The following PRKAR2A variants were observed in gnomAD, a reference collection of about 807,000 sequenced individuals.
PRKAR2A encodes protein kinase cAMP-dependent type II regulatory subunit alpha.
Under a neutral mutation model 51.9 loss-of-function variants are expected in PRKAR2A, and 29 were observed. The ratio of observed to expected loss-of-function variants is 0.56; its 90% confidence interval spans 0.42 to 0.76. PRKAR2A has a LOEUF of 0.76. PRKAR2A is among the 30% of genes least tolerant of loss of function. PRKAR2A has a pLI of 0.00. For missense variants in PRKAR2A, 445 were observed against 512.1 expected (o/e 0.87, Z 1.26); for synonymous variants, 178 against 186.2 (o/e 0.96, Z 0.36).
intron 1 of PRKAR2A, among the ~76,000 whole-genome samples, chr3:48,811,973 G>A (rs1173555682): frequency 6.6e-6 from 1 of 152,050 alleles, no homozygotes; most frequent in Non-Finnish European, 1.5e-5. Context: ...GGGGAATGGG[G>A]AGTGACTGCA....
chr3:48,771,710 T>C (rs1236825575), intron 6 of PRKAR2A, among the ~76,000 whole-genome samples: 1 of 152,158 alleles, frequency 6.6e-6, no homozygotes, highest in Non-Finnish European at 1.5e-5. Context: ...TGAGCCACTG[T>C]GGTTGGCCTG....
At chr3:48,809,129 A>G (rs2082729467) in intron 1 of PRKAR2A, among the ~76,000 whole-genome samples, 1 of 152,242 alleles carries the variant, frequency 6.6e-6, no homozygotes, top group Non-Finnish European at 1.5e-5. Context: ...AGCAGCGGAC[A>G]TAGCACTTCT....
chr3:48,803,336 A>C (rs1183250957), intron 2 of PRKAR2A, among the ~76,000 whole-genome samples: 1 of 152,258 alleles, frequency 6.6e-6, no homozygotes, highest in Admixed American at 6.5e-5. Flanking sequence ...CCTAAGCCCA[A>C]GATTTCAAGG....
intron 4 of PRKAR2A, among the ~76,000 whole-genome samples, chr3:48,783,504 G>A (rs1477664746): frequency 2.6e-5 from 4 of 152,184 alleles, no homozygotes; most frequent in Non-Finnish European, 4.4e-5. Context: ...TATGGCCTTA[G>A]AGGTTATCTT....
At chr3:48,762,428 A>G (rs906908016) in intron 8 of PRKAR2A, among the ~76,000 whole-genome samples, 2 of 152,362 alleles carry the variant, frequency 1.3e-5, no homozygotes, top group African/African-American at 4.8e-5. Flanking sequence ...TAAGGAGGCC[A>G]GCCTGGCCAA....
chr3:48,802,176 G>A (rs1485047873), intron 2 of PRKAR2A, among the ~76,000 whole-genome samples: 1 of 152,004 alleles, frequency 6.6e-6, no homozygotes, highest in Admixed American at 6.6e-5. Flanking sequence ...CCAAAGTGTT[G>A]GGATTACAAG....
intron 4 of PRKAR2A, among the ~76,000 whole-genome samples, chr3:48,790,106 G>A (rs1487767433): frequency 6.6e-6 from 1 of 152,018 alleles, no homozygotes; most frequent in Non-Finnish European, 1.5e-5. Flanking sequence ...ACTGCTATAT[G>A]GTGACTAAGT....
chr3:48,782,747 C>T (rs987691188), intron 5 of PRKAR2A, among the ~76,000 whole-genome samples: 8 of 152,156 alleles, frequency 5.3e-5, no homozygotes, highest in South Asian at 2.1e-4. Context: ...TGAGCCACTG[C>T]GCCTGGCCTA....
chr3:48,786,424 T>C (rs2082294161), intron 4 of PRKAR2A, among the ~76,000 whole-genome samples: 1 of 149,106 alleles, frequency 6.7e-6, no homozygotes, highest in Admixed American at 6.7e-5. Context: ...CGCGCCCGGC[T>C]GATCTGGCAG....
rs1272463823 is a variant in PRKAR2A, at chr3:48,781,521, A to AT, written c.542+1464dup. Among the ~76,000 whole-genome samples the AT allele has an allele frequency of 3.9e-4, 55 of 140,434 alleles. 1 individual carries two copies. The East Asian group carries it at 9.2e-3, about 23-fold the overall frequency. The allele number at this position is 140,434 out of a possible 152,430, so 92.1% of individuals were successfully genotyped here. A position where few individuals can be genotyped will look rare whatever the true frequency, so the allele number is the denominator to read the frequency against. ...CACGCCCGGTTACTTTTTTATTTTT[A>AT]TTTTTTTTTGAGACAAAGTCTCACA... is the stretch of plus-strand genomic sequence containing the variant. On this transcript the variant is annotated intron_variant, in intron 5 of 10. Transcript: ENST00000265563.
At chr3:48,797,487 C>A (rs2082515161) in intron 2 of PRKAR2A, among the ~76,000 whole-genome samples, 1 of 152,106 alleles carries the variant, frequency 6.6e-6, no homozygotes, top group Non-Finnish European at 1.5e-5. Context: ...TAGGTACACC[C>A]CAGCTTCCCT....
chr3:48,783,708 G>A (rs923250375), intron 4 of PRKAR2A, among the ~76,000 whole-genome samples: 4 of 152,122 alleles, frequency 2.6e-5, no homozygotes, highest in African/African-American at 9.7e-5. Flanking sequence ...GGCCTCCTGA[G>A]TAGCTGGGAC....
intron 1 of PRKAR2A, among the ~76,000 whole-genome samples, chr3:48,840,430 G>T (rs1247372135): frequency 2.6e-5 from 4 of 151,938 alleles, no homozygotes. Flanking sequence ...AGGAGGTGGA[G>T]GTTGCAGTGA....
At chr3:48,834,702 C>T (rs1575951772) in intron 1 of PRKAR2A, among the ~76,000 whole-genome samples, 4 of 128,952 alleles carry the variant, frequency 3.1e-5, no homozygotes, top group Middle Eastern at 4.6e-3. Context: ...CTAGCCTGGG[C>T]AACAGAGTGA....
rs954225209 is a variant in PRKAR2A at position 48,748,938 on chromosome 3, C to T, written c.*2647G>A. 9.9e-5 allele frequency: 15 copies of T among 152,200 alleles called. No homozygotes were observed. The highest frequency in any genetic ancestry group is 1.6e-4 in the Non-Finnish European group (11 of 68,046). The allele number at this position is 152,200 out of a possible 1,614,324, so 9.4% of individuals were successfully genotyped here. ...AGTCTGAAAAGAGTCCTTCTGCTTT[C>T]GCTTCCTGGAGCTTAAGAAGAAAAG... On this transcript the variant is annotated 3_prime_UTR_variant, in exon 11 of 11. Transcript: ENST00000265563.
chr3:48,842,341 C>A (rs911745691), intron 1 of PRKAR2A, among the ~76,000 whole-genome samples: 2 of 152,276 alleles, frequency 1.3e-5, no homozygotes, highest in Non-Finnish European at 1.5e-5. Flanking sequence ...TCTAGATATA[C>A]AATCATGTCA....
chr3:48,807,123 T>C (rs540407870), intron 2 of PRKAR2A, among the ~76,000 whole-genome samples: 33 of 152,196 alleles, frequency 2.2e-4, no homozygotes, highest in Admixed American at 2.0e-3. Flanking sequence ...TGATGTGAAG[T>C]ACTATTTTAC....
At chr3:48,784,899 A>G (rs921901543) in intron 4 of PRKAR2A, among the ~76,000 whole-genome samples, 2 of 152,186 alleles carry the variant, frequency 1.3e-5, no homozygotes, top group African/African-American at 4.8e-5. Context: ...AGTACTTACT[A>G]TATGTGATTC....
chr3:48,768,207 T>C (rs2081968957), intron 6 of PRKAR2A, among the ~76,000 whole-genome samples: 2 of 151,624 alleles, frequency 1.3e-5, no homozygotes, highest in African/African-American at 2.4e-5. Flanking sequence ...GGTGGGAGGA[T>C]TGCTTGAGCC....
Sources: allele counts gnomAD v4.1 joint callset (sites outside exome capture counted in the v4.1 genomes callset), GRCh38; gene constraint gnomAD v4.1.1; transcripts MANE v1.5; gene names NCBI Gene and HGNC (gene_info 2026-07-23, HGNC 2026-07-21).